The following XPC variants were observed in gnomAD, a reference collection of about 807,000 sequenced individuals.
XPC encodes DNA repair protein complementing XP-C cells.
In XPC, 76 loss-of-function variants were observed where a neutral mutation model predicts 95.8. That is an observed-to-expected ratio of 0.79 (90% CI 0.66 to 0.96). The LOEUF is 0.96. XPC is among the 40% of genes least tolerant of loss of function. XPC has a pLI of 0.00. For synonymous variants in XPC, 442 were observed against 442.1 expected (o/e 1.00, Z 0.00); for missense variants, 1,146 against 1,179.8 (o/e 0.97, Z 0.42).
At chr3:14,165,021 A>G in intron 6 of XPC, 88 bp from the exon 7 acceptor site, 2 of 1,510,676 alleles carry the variant, frequency 1.3e-6, no homozygotes, top group South Asian at 1.3e-5. Context: ...AGAGGGAGTG[A>G]ATCGTGAGAC....
chr3:14,150,572 G>T (rs934022742), intron 11 of XPC, among the ~76,000 whole-genome samples: 1 of 152,194 alleles, frequency 6.6e-6, no homozygotes, highest in South Asian at 2.1e-4. Context: ...ATCTCCTGGA[G>T]ACCAGGCCAT....
At position 14,158,103 on chromosome 3, in the gene XPC, G is replaced by C; in HGVS notation, c.1780C>G (p.Arg594Gly). The C allele has an allele frequency of 6.2e-7, 1 of 1,613,868 alleles. No individual in the cohort carries two copies. Residue 594 changes from arginine to glycine, a missense_variant, in exon 9 of 16, where the codon CGC becomes GGC. Physicochemically the swap from Arg to Gly is moderately radical, Grantham distance 125. Transcript: ENST00000285021. The surrounding 1 kb of genome is among the most constrained non-coding windows in gnomAD (Gnocchi z 5.2). ...RYDPVWMTVT[R>G]KCRVDAEWWA... ...CACTCAGCATCAACCCGGCACTTGC[G>C]GGTCACTGTCATCCAGACTGGGTCG...
chr3:14,149,043 T>G (rs1695575628), intron 11 of XPC, 95 bp from the exon 12 acceptor site: 3 of 1,547,446 alleles, frequency 1.9e-6, no homozygotes, highest in Non-Finnish European at 2.6e-6. Context: ...GCCTGGTACC[T>G]GGTGAACCCT....
At chr3:14,162,433 T>C (rs1477095885) in intron 7 of XPC, among the ~76,000 whole-genome samples, 2 of 152,200 alleles carry the variant, frequency 1.3e-5, no homozygotes, top group Non-Finnish European at 2.9e-5. Context: ...AGAACAGACA[T>C]GTAGACCAAC....
At chr3:14,159,905 T>C (rs2125028367) in intron 7 of XPC, 75 bp from the exon 8 acceptor site, 2 of 1,412,734 alleles carry the variant, frequency 1.4e-6, no homozygotes, top group Non-Finnish European at 2.0e-6. Context: ...TTGTTTGTTA[T>C]GGTGCTTGTT....
chr3:14,147,851 AC>A, intron 14 of XPC, 56 bp downstream of exon 14: 2 of 1,494,160 alleles, frequency 1.3e-6, no homozygotes, highest in Non-Finnish European at 1.8e-6. Context: ...GGAAGAGGCC[AC>A]CCGCTGAGTG....
In XPC at chr3:14,145,505, GAACTTGTCGGACAGATGAAGACTCT is replaced by G; in HGVS notation, c.*411_*435del. On this transcript the variant is annotated 3_prime_UTR_variant, in exon 16 of 16. Coordinates refer to ENST00000285021, the MANE Select transcript of XPC (RefSeq NM_004628.5). The stretch of plus-strand genomic sequence containing the variant: ...TCCTAGGTCCGCAACCGAGGCGAGT[GAACTTGTCGGACAGATGAAGACTCT>G]AACTGGAAGAAACGATCAGCGCATT... The G allele has an allele frequency of 1.4e-6, 1 of 698,708 alleles. No individual in the cohort carries two copies. Among genetic ancestry groups the G allele is most frequent in the Non-Finnish European group, 2.6e-6 (1 of 383,420 alleles). 43.3% of individuals were successfully genotyped at this position (698,708 alleles called of 1,614,324 possible). A position where few individuals can be genotyped will look rare whatever the true frequency, so the allele number is the denominator to read the frequency against.
chr3:14,163,126 G>C (rs1003645162), intron 7 of XPC, among the ~76,000 whole-genome samples: 4 of 152,158 alleles, frequency 2.6e-5, no homozygotes, highest in African/African-American at 7.2e-5. Flanking sequence ...TGTTGGTAAA[G>C]ATTTGGAATC....
At chr3:14,159,623 G>A (rs926564668) in intron 8 of XPC, 118 bp downstream of exon 8, 36 of 1,079,398 alleles carry the variant, frequency 3.3e-5, no homozygotes, top group African/African-American at 4.8e-5. Context: ...TGCAAGGCTC[G>A]AAAGAACCCA....
At chr3:14,176,112 A>G (rs1696805253) in intron 1 of XPC, among the ~76,000 whole-genome samples, 1 of 152,254 alleles carries the variant, frequency 6.6e-6, no homozygotes. Context: ...GGAAATTCAG[A>G]AGGGCTAAAA....
intron 7 of XPC, among the ~76,000 whole-genome samples, chr3:14,160,742 G>A (rs1206814789): frequency 6.6e-6 from 1 of 152,216 alleles, no homozygotes; most frequent in Non-Finnish European, 1.5e-5. Context: ...AATAATGTCT[G>A]TAGTTTAGCT....
In XPC at chr3:14,156,321, G is replaced by A. The variant is rs771268494; in HGVS notation, c.2033+14C>T. 1.0e-5 allele frequency: 16 copies of A among 1,606,220 alleles called. No homozygotes were observed. The South Asian group carries it at 1.8e-4, about 18-fold the overall frequency. The stretch of plus-strand genomic sequence containing the variant: ...TCAGGAAGCCCCTGAGGCCAACCAG[G>A]CTGCCTCACGCACCTGGAGTAGACC... On this transcript the variant is annotated intron_variant, in intron 10 of 15. Coordinates refer to ENST00000285021, the MANE Select transcript of XPC (RefSeq NM_004628.5).
chr3:14,148,507 G>A (rs979769243), intron 13 of XPC, 55 bp downstream of exon 13: 61 of 1,593,364 alleles, frequency 3.8e-5, no homozygotes, highest in Middle Eastern at 4.3e-4. Flanking sequence ...CCCCATCTCT[G>A]GAGCCACCCC....
At chr3:14,156,517 G>A (rs773425269) in intron 9 of XPC, 22 bp from the exon 10 acceptor site, 6 of 1,613,534 alleles carry the variant, frequency 3.7e-6, no homozygotes, top group Non-Finnish European at 3.4e-6. Flanking sequence ...AGACAGACAA[G>A]GTTGAGCATG....
At chr3:14,152,038 T>G (rs1443506733) in intron 11 of XPC, among the ~76,000 whole-genome samples, 1 of 152,150 alleles carries the variant, frequency 6.6e-6, no homozygotes, top group South Asian at 2.1e-4. Flanking sequence ...CAGGACCCAG[T>G]AACTCAATTC....
rs561048964 is a variant in XPC, at chr3:14,159,732, G to A, written c.990+9C>T. The stretch of plus-strand genomic sequence containing the variant: ...TGCTCCTCTTCTCTGGCAGCCCTGC[G>A]CACCTCACCTTTGCTGTTGCTGACT... On this transcript the variant is annotated intron_variant, in intron 8 of 15. Coordinates refer to ENST00000285021, the MANE Select transcript of XPC (RefSeq NM_004628.5). 3.2e-5 allele frequency: 50 copies of A among 1,556,982 alleles called. 1 individual carries two copies. The South Asian group carries it at 3.7e-4, about 11-fold the overall frequency.
chr3:14,156,496 C>T lies in XPC; in HGVS notation c.1873-1G>A. Reference sequence around the variant, plus strand: ...GCTGGTCCATGTGTTTAGCCTGAAACTGCAAAGGCCAGACAGACAAGGTTG... The same window carrying T: ...GCTGGTCCATGTGTTTAGCCTGAAATTGCAAAGGCCAGACAGACAAGGTTG... On this transcript the variant is annotated splice_acceptor_variant, in intron 9 of 15. Transcript: ENST00000285021. LOFTEE classifies it high-confidence loss of function. The T allele has an allele frequency of 6.2e-7, 1 of 1,613,850 alleles. No homozygotes were observed. The highest frequency in any genetic ancestry group is 8.5e-7 in the Non-Finnish European group (1 of 1,179,804).
chr3:14,156,854 T>C (rs1403980604), intron 9 of XPC, among the ~76,000 whole-genome samples: 1 of 152,230 alleles, frequency 6.6e-6, no homozygotes, highest in African/African-American at 2.4e-5. Flanking sequence ...GACAATCCTC[T>C]TCTAGAGCGT....
chr3:14,151,853 A>G (rs1695706120), intron 11 of XPC: 1 of 158,090 alleles, frequency 6.3e-6, no homozygotes, highest in Admixed American at 6.5e-5. Flanking sequence ...GGACTTGGAC[A>G]AGTCACTTGC....
Sources: allele counts gnomAD v4.1 joint callset (sites outside exome capture counted in the v4.1 genomes callset), GRCh38; gene constraint gnomAD v4.1.1; non-coding constraint Gnocchi (gnomAD v3.1); transcripts MANE v1.5; gene names NCBI Gene and HGNC (gene_info 2026-07-23, HGNC 2026-07-21).